The following CASK variants were observed in gnomAD, a reference collection of about 807,000 sequenced individuals.
The protein encoded by CASK is peripheral plasma membrane protein CASK.
Under a neutral mutation model 82.9 loss-of-function variants are expected in CASK, and 4 were observed. The observed-to-expected ratio is 0.05, with a 90% CI of 0.02 to 0.11. The LOEUF (loss-of-function observed/expected upper bound fraction) is 0.11, where lower values mean the gene tolerates loss of function less well. Among genes scored for constraint, CASK ranks in the 10% least tolerant of loss-of-function variants. The probability of loss-of-function intolerance (pLI) is 1.00; values close to 1 mark genes in which losing one functional copy is unlikely to be tolerated. For missense variants in CASK, 358 were observed against 720.9 expected, an observed-to-expected ratio of 0.50 and a Z score of 5.76; for synonymous variants, 259 against 253.5, an observed-to-expected ratio of 1.02 and a Z score of -0.20.
chrX:41,872,628 C>T (rs1351096605), intron 1 of CASK, among the ~76,000 whole-genome samples: 1 of 111,747 alleles, frequency 8.9e-6, no homozygotes, highest in African/African-American at 3.2e-5. Flanking sequence ...AATCCAGTTC[C>T]CCTATTACTA....
intron 2 of CASK, among the ~76,000 whole-genome samples, chrX:41,788,025 C>T (rs980256756): frequency 9.2e-6 from 1 of 108,683 alleles, no homozygotes; most frequent in African/African-American, 3.4e-5. Context: ...GGCATGGTGG[C>T]GGGCACCTGT....
chrX:41,535,955 T>C (rs1007542968), intron 22 of CASK, among the ~76,000 whole-genome samples: 1 of 111,805 alleles, frequency 8.9e-6, no homozygotes, highest in African/African-American at 3.3e-5. Flanking sequence ...CTGTGTTTCC[T>C]GTAATATTTT....
At chrX:41,548,224 T>C (rs745559354) in intron 21 of CASK, among the ~76,000 whole-genome samples, 3 of 111,694 alleles carry the variant, frequency 2.7e-5, no homozygotes, top group Admixed American at 9.6e-5. Flanking sequence ...GATCGGCTGA[T>C]TGGTTTTCAA....
intron 18 of CASK, chrX:41,558,667 T>C (rs2065188835): frequency 9.0e-6 from 1 of 111,628 alleles, no homozygotes; most frequent in African/African-American, 3.3e-5. Flanking sequence ...TTTTGAAATA[T>C]ACTATTAATT....
At chrX:41,593,163 T>G (rs944228814) in intron 12 of CASK, among the ~76,000 whole-genome samples, 3 of 111,365 alleles carry the variant, frequency 2.7e-5, no homozygotes, top group African/African-American at 9.8e-5. Context: ...GTGGGGGCAT[T>G]GGGCTCTGCT....
chrX:41,895,836 T>C (rs1442923993), intron 1 of CASK, among the ~76,000 whole-genome samples: 1 of 111,595 alleles, frequency 9.0e-6, no homozygotes, highest in African/African-American at 3.3e-5. Context: ...AATTGCAGCT[T>C]ATGGGCACAT....
chrX:41,824,599 G>A lies in CASK; in HGVS notation c.172+28516C>T, dbSNP rs191442764. On this transcript the variant is annotated intron_variant, in intron 2 of 26. Transcript: ENST00000378163. ...CCCCTTCAGGTGCCTTTACAGCAGA[G>A]CGCTGCTGGCAAGGTACTCTCCTTG... 1.2e-3 allele frequency among the ~76,000 whole-genome samples: 138 copies of A among 111,943 alleles called. 2 individuals are homozygous for A. The highest frequency in any genetic ancestry group is 4.3e-3 in the African/African-American group (134 of 30,869).
chrX:41,614,912 G>C (rs1281405384), intron 11 of CASK, among the ~76,000 whole-genome samples: 3 of 110,811 alleles, frequency 2.7e-5, no homozygotes, highest in Non-Finnish European at 5.7e-5. Flanking sequence ...TCGACCTCCT[G>C]TGCTCAAGTG....
rs2064596528 is a variant in CASK at position 41,518,818 on chromosome X, A to ACATT, written c.*1598_*1601dup. 1 of 111,266 alleles carries ACATT rather than the reference A, an allele frequency of 9.0e-6. No homozygotes were observed. The allele number at this position is 111,266 out of a possible 1,213,427, so 9.2% of individuals were successfully genotyped here. On this transcript the variant is annotated 3_prime_UTR_variant, in exon 27 of 27. Coordinates refer to ENST00000378163, the MANE Select transcript of CASK (RefSeq NM_001367721.1). ...TCACACCCTCACATGCTAATGAAAAACATTCTACTGACCTCTGGCAAAGAG... is the reference window on the plus strand; with the variant it reads ...TCACACCCTCACATGCTAATGAAAAACATTCATTCTACTGACCTCTGGCAAAGAG...
chrX:41,750,511 G>T (rs2068768190), intron 3 of CASK, among the ~76,000 whole-genome samples: 1 of 111,802 alleles, frequency 8.9e-6, no homozygotes, highest in Non-Finnish European at 1.9e-5. Flanking sequence ...AGGAGAGGGA[G>T]AAGAAACCCT....
chrX:41,799,480 G>A (rs773466474), intron 2 of CASK, among the ~76,000 whole-genome samples: 6 of 110,409 alleles, frequency 5.4e-5, no homozygotes, highest in Admixed American at 1.9e-4. Flanking sequence ...GCAGTGAGCC[G>A]GTTGCAGTGA....
chrX:41,804,479 A>G (rs998155099), intron 2 of CASK, among the ~76,000 whole-genome samples: 5 of 112,000 alleles, frequency 4.5e-5, no homozygotes, highest in African/African-American at 1.3e-4. Context: ...ATATTTATTT[A>G]CATGCCCATA....
chrX:41,534,798 A>C lies in CASK; in HGVS notation c.2237-12T>G. 5.1e-6 allele frequency: 6 copies of C among 1,187,353 alleles called. No homozygotes were observed. The highest frequency in any genetic ancestry group is 6.9e-6 in the Non-Finnish European group (6 of 873,386). ...AACACCATGTGCGCCTATGTCATTTAGAAAAAAAGAATGTTAAAACTGACA... is the reference window on the plus strand; with the variant it reads ...AACACCATGTGCGCCTATGTCATTTCGAAAAAAAGAATGTTAAAACTGACA... On this transcript the variant is annotated splice_polypyrimidine_tract_variant and intron_variant, in intron 23 of 26. Transcript: ENST00000378163.
intron 1 of CASK, among the ~76,000 whole-genome samples, chrX:41,860,341 A>C (rs1225028850): frequency 9.0e-6 from 1 of 111,476 alleles, no homozygotes; most frequent in Non-Finnish European, 1.9e-5. Context: ...AACAAAGCTA[A>C]AATAAAATAA....
chrX:41,660,634 C>T, intron 7 of CASK, 73 bp from the exon 8 acceptor site: 2 of 1,015,225 alleles, frequency 2.0e-6, no homozygotes, highest in South Asian at 3.8e-5. Context: ...TTTAATATTC[C>T]TATATTGCTT....
intron 11 of CASK, among the ~76,000 whole-genome samples, chrX:41,611,844 G>A (rs1347791047): frequency 2.7e-5 from 3 of 110,510 alleles, no homozygotes; most frequent in Non-Finnish European, 5.7e-5. Flanking sequence ...GATTGCAGGC[G>A]CGCGCCGCCA....
intron 3 of CASK, among the ~76,000 whole-genome samples, chrX:41,757,038 C>T (rs910090432): frequency 8.9e-6 from 1 of 111,801 alleles, no homozygotes; most frequent in African/African-American, 3.2e-5. Flanking sequence ...GCCCCATGTT[C>T]CAGAACCATA....
intron 1 of CASK, among the ~76,000 whole-genome samples, chrX:41,921,959 TCTC>T (rs1215123009): frequency 1.8e-5 from 2 of 109,286 alleles, no homozygotes; most frequent in Non-Finnish European, 3.8e-5. Flanking sequence ...TTAAATCTTA[TCTC>T]CTCAACTTCT....
chrX:41,662,358 G>T (rs1021946228), intron 7 of CASK, among the ~76,000 whole-genome samples: 1 of 111,078 alleles, frequency 9.0e-6, no homozygotes, highest in Non-Finnish European at 1.9e-5. Context: ...TTTCTAATGT[G>T]GTCTCACATT....
Sources: gnomAD v4.1 joint callset for allele counts (sites outside exome capture counted in the v4.1 genomes callset) on GRCh38, gnomAD v4.1.1 for gene constraint, MANE v1.5 for transcripts, NCBI Gene and HGNC (gene_info 2026-07-23, HGNC 2026-07-21) for gene names.